The following AADACL3 variants were observed in gnomAD, a reference collection of about 807,000 sequenced individuals.
AADACL3 encodes arylacetamide deacetylase like 3, also known as arylacetamide deacetylase-like 3.
Under a neutral mutation model 13.6 loss-of-function variants are expected in AADACL3, and 13 were observed. That is an observed-to-expected ratio of 0.95 (90% confidence interval 0.62 to 1.52). The LOEUF (loss-of-function observed/expected upper bound fraction) is 1.52, where lower values mean the gene tolerates loss of function less well. Ranked by LOEUF, AADACL3 falls within the 40% of genes most tolerant of loss-of-function variation. The probability of loss-of-function intolerance (pLI) is 0.00; values close to 1 mark genes in which losing one functional copy is unlikely to be tolerated. For synonymous variants in AADACL3, 195 were observed against 197.0 expected (o/e 0.99, Z 0.08); for missense variants, 519 against 499.2 (o/e 1.04, Z -0.38).
chr1:12,717,549 G>A (rs988774092), intron 1 of AADACL3, among the ~76,000 whole-genome samples: 20 of 152,182 alleles, frequency 1.3e-4, no homozygotes, highest in Admixed American at 6.5e-5. Context: ...CAACTGCTGT[G>A]TGTCCTACGC....
Position 12,725,668 on chromosome 1 carries a change from A to G in AADACL3, c.896A>G (p.Tyr299Cys). 1 of 1,614,164 alleles carries G rather than the reference A, an allele frequency of 6.2e-7. No homozygotes were observed. The highest frequency in any genetic ancestry group is 8.5e-7 in the Non-Finnish European group (1 of 1,180,024). ...NIPERFKERG[Y>C]QLKPHEPMNE... is the part of the protein sequence containing the mutation. ...CCTGAGAGGTTTAAGGAGAGGGGTT[A>G]CCAACTGAAGCCCCATGAGCCCATG... Residue 299 changes from tyrosine (Y) to cysteine (C), a missense_variant, in exon 4 of 4, where the codon TAC (tyrosine) becomes TGC (cysteine). Transcript: ENST00000359318.
rs774648022 is a variant in AADACL3 at position 12,716,317 on chromosome 1, T to C, written c.141T>C (p.His47=). ...VGHPVKLRVL[H]CIFQLLLTWG... The stretch of plus-strand genomic sequence containing the variant: ...ACCCTGTGAAACTGAGAGTCCTCCA[T>C]TGCATCTTCCAGCTGCTGTTGACTT... The change falls in exon 1 of 4, where the codon CAT becomes CAC. Residue 47 remains histidine (H), a synonymous_variant. Transcript: ENST00000359318. The C allele has an allele frequency of 6.6e-5, 107 of 1,614,082 alleles. No homozygotes were observed. Among genetic ancestry groups the C allele is most frequent in the Non-Finnish European group, 9.0e-5 (106 of 1,180,030 alleles).
rs1197721512 is a variant in AADACL3 at position 12,725,331 on chromosome 1, G to C, written c.559G>C (p.Val187Leu). Reference sequence around the variant, plus strand: ...TGCATATGGAGTGGATCCAGCCCGGGTTGTGGTCTGCGGTGACAGTTTCGG... The same window carrying C: ...TGCATATGGAGTGGATCCAGCCCGGCTTGTGGTCTGCGGTGACAGTTTCGG... Reference protein sequence around the residue: ...LDAYGVDPARVVVCGDSFGGA... With the variant: ...LDAYGVDPARLVVCGDSFGGA... The change falls in exon 4 of 4, where the codon GTT becomes CTT. Residue 187 changes from valine to leucine, a missense_variant. By Grantham distance (32) the Val-to-Leu change is conservative. Coordinates refer to ENST00000359318, the MANE Select transcript of AADACL3 (RefSeq NM_001103170.3). 3.7e-6 allele frequency: 6 copies of C among 1,614,132 alleles called. No individual in the cohort carries two copies. Among genetic ancestry groups the C allele is most frequent in the Non-Finnish European group, 5.1e-6 (6 of 1,180,024 alleles).
At chr1:12,717,341 C>A (rs914637819) in intron 1 of AADACL3, among the ~76,000 whole-genome samples, 1 of 152,156 alleles carries the variant, frequency 6.6e-6, no homozygotes, top group African/African-American at 2.4e-5. Flanking sequence ...AGTCCAGGCT[C>A]CCAAATACAG....
chr1:12,717,440 G>A (rs1402701625), intron 1 of AADACL3, among the ~76,000 whole-genome samples: 2 of 152,160 alleles, frequency 1.3e-5, no homozygotes, highest in Non-Finnish European at 2.9e-5. Flanking sequence ...CTCTCCAGAA[G>A]GCTTATTATA....
At chr1:12,721,943 A>T (rs1638269836) in intron 3 of AADACL3, among the ~76,000 whole-genome samples, 1 of 152,192 alleles carries the variant, frequency 6.6e-6, no homozygotes, top group South Asian at 2.1e-4. Flanking sequence ...TTTCATTTAA[A>T]GGTACACACT....
chr1:12,724,770 G>A (rs1638333604), intron 3 of AADACL3, among the ~76,000 whole-genome samples: 2 of 152,226 alleles, frequency 1.3e-5, no homozygotes, highest in African/African-American at 4.8e-5. Flanking sequence ...AAAGGCATGA[G>A]CCACCGGCCT....
chr1:12,723,847 G>C (rs57800632), intron 3 of AADACL3, among the ~76,000 whole-genome samples: 1 of 146,350 alleles, frequency 6.8e-6, no homozygotes, highest in Admixed American at 6.8e-5. Context: ...GCAAGAGCGC[G>C]ATCTCGGCTC....
rs1638367636 is a variant in AADACL3 at position 12,726,156 on chromosome 1, T to C, written c.*160T>C. ...CCAGGTTCTAGAACCACACAATGCA[T>C]GCTCCTGATGTCCAGAGGACGTGGT... is the stretch of plus-strand genomic sequence containing the variant. On this transcript the variant is annotated 3_prime_UTR_variant, in exon 4 of 4. Transcript: ENST00000359318. 10 of 729,308 alleles carry C rather than the reference T, an allele frequency of 1.4e-5. No homozygotes were observed. The South Asian group carries it at 2.0e-4, about 14-fold the overall frequency. 45.2% of individuals were successfully genotyped at this position (729,308 alleles called of 1,614,324 possible). A position where few individuals can be genotyped will look rare whatever the true frequency, so the allele number is the denominator to read the frequency against.
At chr1:12,718,041 G>A (rs1010099261) in intron 1 of AADACL3, among the ~76,000 whole-genome samples, 2 of 152,070 alleles carry the variant, frequency 1.3e-5, no homozygotes, top group Non-Finnish European at 2.9e-5. Context: ...ATTAGATATT[G>A]CGAAAACTCA....
intron 1 of AADACL3, among the ~76,000 whole-genome samples, chr1:12,718,152 A>C (rs1048354619): frequency 6.6e-6 from 1 of 152,188 alleles, no homozygotes; most frequent in African/African-American, 2.4e-5. Flanking sequence ...ATTATGACAT[A>C]CATTTTAATA....
intron 3 of AADACL3, among the ~76,000 whole-genome samples, chr1:12,722,369 A>C (rs1638277149): frequency 1.3e-5 from 2 of 150,092 alleles, no homozygotes; most frequent in Non-Finnish European, 3.0e-5. Flanking sequence ...AAATGAAGAG[A>C]TGAGATGAGA....
chr1:12,727,920 G>T lies in AADACL3; in HGVS notation c.*1924G>T, dbSNP rs972213423. 152,400 of 152,416 alleles carry T rather than the reference G, an allele frequency of 1. 76,192 individuals are homozygous for T. The highest frequency in any genetic ancestry group is 1 in the Non-Finnish European group (68,122 of 68,122). 9.4% of individuals were successfully genotyped at this position (152,416 alleles called of 1,614,324 possible). A position where few individuals can be genotyped will look rare whatever the true frequency, so the allele number is the denominator to read the frequency against. On this transcript the variant is annotated 3_prime_UTR_variant, in exon 4 of 4. Coordinates refer to ENST00000359318, the MANE Select transcript of AADACL3 (RefSeq NM_001103170.3). ...AACATGAGCTGACCTTCTGGGAAGT[G>T]AGGTTGGTGAGGAGTTGCTGAGGCA...
At chr1:12,716,430 AT>A in intron 1 of AADACL3, 86 bp downstream of exon 1, 4 of 1,554,576 alleles carry the variant, frequency 2.6e-6, no homozygotes, top group Non-Finnish European at 3.6e-6. Context: ...TTCTAGCTGA[AT>A]GAACACCGGT....
In AADACL3 at chr1:12,728,660, C is replaced by G. The variant is rs1256250018; in HGVS notation, c.*2664C>G. The G allele has an allele frequency of 6.6e-6, 1 of 152,218 alleles. No individual in the cohort carries two copies. Among genetic ancestry groups the G allele is most frequent in the East Asian group, 1.9e-4 (1 of 5,200 alleles). 9.4% of individuals were successfully genotyped at this position (152,218 alleles called of 1,614,324 possible). On this transcript the variant is annotated 3_prime_UTR_variant, in exon 4 of 4. Coordinates refer to ENST00000359318, the MANE Select transcript of AADACL3 (RefSeq NM_001103170.3). Reference sequence around the variant, plus strand: ...TGTCTAAATTGTCGTAATCTTTTTGCTGGTTGATGGTCTTGCCTTGATGTT... The same window carrying G: ...TGTCTAAATTGTCGTAATCTTTTTGGTGGTTGATGGTCTTGCCTTGATGTT...
At chr1:12,720,687 G>A (rs1156665290) in intron 2 of AADACL3, among the ~76,000 whole-genome samples, 196 bp from the exon 3 acceptor site, 1 of 152,160 alleles carries the variant, frequency 6.6e-6, no homozygotes, top group African/African-American at 2.4e-5. Flanking sequence ...ATGGATTGGA[G>A]GGTGGGCGTC....
In AADACL3 at chr1:12,725,931, T is replaced by C. The variant is rs763142360; in HGVS notation, c.1159T>C (p.Phe387Leu). 1 of 1,614,058 alleles carries C rather than the reference T, an allele frequency of 6.2e-7. No homozygotes were observed. ...AGTGCTCAGGACCATTGACATGAGC[T>C]TCTTGCACTTTCCCTGCTCCATGAG... ...HGVLRTIDMS[F>L]LHFPCSMRIL... Residue 387 changes from phenylalanine (F) to leucine (L), a missense_variant, in exon 4 of 4, where the codon TTC becomes CTC. Physicochemically the swap from Phe to Leu is conservative, Grantham distance 22. Transcript: ENST00000359318.
At chr1:12,718,248 T>C (rs1648481480) in intron 1 of AADACL3, among the ~76,000 whole-genome samples, 1 of 151,002 alleles carries the variant, frequency 6.6e-6, no homozygotes, top group Non-Finnish European at 1.5e-5. Flanking sequence ...CTGGGCTGGG[T>C]GTAGTGGCTT....
At chr1:12,724,297 C>A (rs1340469049) in intron 3 of AADACL3, among the ~76,000 whole-genome samples, 1 of 152,052 alleles carries the variant, frequency 6.6e-6, no homozygotes, top group Non-Finnish European at 1.5e-5. Flanking sequence ...TTTAGACATG[C>A]TCATGAATGT....
Sources: allele counts gnomAD v4.1 joint callset (sites outside exome capture counted in the v4.1 genomes callset), GRCh38; gene constraint gnomAD v4.1.1; transcripts MANE v1.5; gene names NCBI Gene and HGNC (gene_info 2026-07-23, HGNC 2026-07-21).